Variants in ZNF644 observed in about 807,000 individuals in gnomAD.
ZNF644 encodes zinc finger protein 644, also known as zinc finger motif enhancer binding protein 2.
A neutral mutation model predicts 108.0 loss-of-function variants in ZNF644; 20 were observed. The ratio of observed to expected loss-of-function variants is 0.19; its 90% CI spans 0.13 to 0.27. The LOEUF is 0.27. Ranked by LOEUF, ZNF644 falls within the 10% of genes least tolerant of loss-of-function variation. ZNF644 has a pLI of 1.00. For synonymous variants in ZNF644, 542 were observed against 539.1 expected (o/e 1.01, Z -0.08); for missense variants, 1,338 against 1,548.9 (o/e 0.86, Z 2.29).
At chr1:90,947,051 C>T (rs1166105420) in intron 2 of ZNF644, among the ~76,000 whole-genome samples, 1 of 152,028 alleles carries the variant, frequency 6.6e-6, no homozygotes, top group Non-Finnish European at 1.5e-5. Flanking sequence ...CAGGGAGGCC[C>T]TACAAAGACA....
chr1:90,983,024 T>C (rs1014114014), intron 1 of ZNF644, among the ~76,000 whole-genome samples: 12 of 152,000 alleles, frequency 7.9e-5, no homozygotes, highest in African/African-American at 2.9e-4. Context: ...ATATCCACCA[T>C]TACTAATTTT....
rs201108934 is a variant in ZNF644, at chr1:90,944,408, C to CA, written c.45-3100dup. 6.2e-4 allele frequency among the ~76,000 whole-genome samples: 93 copies of CA among 150,346 alleles called. 1 individual carries two copies. The highest frequency in any genetic ancestry group is 1.8e-3 in the African/African-American group (72 of 41,070). On this transcript the variant is annotated intron_variant, in intron 2 of 5. Coordinates refer to ENST00000337393, the MANE Select transcript of ZNF644 (RefSeq NM_201269.3). The stretch of plus-strand genomic sequence containing the variant: ...TATTTTATCTACAAAACACATCTAG[C>CA]AAAAAAAAATCCGATTAAATATTGT...
chr1:90,971,013 A>AG, intron 2 of ZNF644, among the ~76,000 whole-genome samples: 1 of 151,584 alleles, frequency 6.6e-6, no homozygotes, highest in Non-Finnish European at 1.5e-5. Flanking sequence ...AAAAAAAAAA[A>AG]AAAAACACTA....
chr1:90,945,345 CAG>C (rs1652412716), intron 2 of ZNF644, among the ~76,000 whole-genome samples: 2 of 151,924 alleles, frequency 1.3e-5, no homozygotes, highest in South Asian at 4.1e-4. Flanking sequence ...AAGCTGCAAA[CAG>C]AACTTTAAAT....
intron 4 of ZNF644, among the ~76,000 whole-genome samples, chr1:90,932,621 T>C (rs1352509191): frequency 1.3e-5 from 2 of 152,044 alleles, no homozygotes; most frequent in African/African-American, 2.4e-5. Context: ...GTGATATTGA[T>C]ATGGGGGATA....
At chr1:90,975,806 T>C (rs1655954013) in intron 2 of ZNF644, among the ~76,000 whole-genome samples, 1 of 152,134 alleles carries the variant, frequency 6.6e-6, no homozygotes, top group South Asian at 2.1e-4. Context: ...AAGACTTAGG[T>C]TCCAATTCTG....
intron 4 of ZNF644, among the ~76,000 whole-genome samples, chr1:90,925,556 A>G (rs888733501): frequency 6.6e-6 from 1 of 151,864 alleles, no homozygotes; most frequent in African/African-American, 2.4e-5. Flanking sequence ...CACAAACATT[A>G]TAACTGAAGA....
At chr1:90,921,474 A>G (rs1485798709) in intron 4 of ZNF644, among the ~76,000 whole-genome samples, 1 of 152,020 alleles carries the variant, frequency 6.6e-6, no homozygotes, top group Non-Finnish European at 1.5e-5. Flanking sequence ...TTTAAATCTA[A>G]CATTGTTTCT....
intron 2 of ZNF644, among the ~76,000 whole-genome samples, chr1:90,956,123 C>T (rs114970104): frequency 2.3e-4 from 35 of 152,274 alleles, no homozygotes; most frequent in Non-Finnish European, 3.7e-4. Flanking sequence ...TCACAACACA[C>T]ACAATATTGA....
chr1:91,018,076 T>C (rs1317277413), intron 1 of ZNF644, among the ~76,000 whole-genome samples: 1 of 152,232 alleles, frequency 6.6e-6, no homozygotes, highest in Admixed American at 6.5e-5. Context: ...AACACCTTTT[T>C]CATGGGAACT....
At chr1:90,980,421 G>A (rs193161689) in intron 2 of ZNF644, among the ~76,000 whole-genome samples, 39 of 152,244 alleles carry the variant, frequency 2.6e-4, no homozygotes, top group Middle Eastern at 3.4e-3. Context: ...GCATAGCTAC[G>A]GTGAGATAAC....
chr1:90,962,934 A>G (rs913304681), intron 2 of ZNF644, among the ~76,000 whole-genome samples: 3 of 152,158 alleles, frequency 2.0e-5, no homozygotes, highest in African/African-American at 7.2e-5. Context: ...TAACAATAAG[A>G]GCAAACAATG....
chr1:90,923,336 C>A lies in ZNF644; in HGVS notation c.3689-5182G>T, dbSNP rs141049590. Among the ~76,000 whole-genome samples, 147 of 151,976 alleles carry A rather than the reference C, an allele frequency of 9.7e-4. 1 individual carries two copies. The highest frequency in any genetic ancestry group is 3.1e-3 in the African/African-American group (128 of 41,446). On this transcript the variant is annotated intron_variant, in intron 4 of 5. Transcript: ENST00000337393. ...CATTCAGTTCCACCCCTCAATCTCT[C>A]GGCCCATTCAAAAAAGGAAAAAAAA...
chr1:91,003,266 G>T (rs953409123), intron 1 of ZNF644, among the ~76,000 whole-genome samples: 1 of 152,096 alleles, frequency 6.6e-6, no homozygotes, highest in African/African-American at 2.4e-5. Context: ...CAATAGCAAA[G>T]ACTTGGAACC....
chr1:90,942,010 A>C (rs1652045013), intron 2 of ZNF644, among the ~76,000 whole-genome samples: 1 of 152,144 alleles, frequency 6.6e-6, no homozygotes, highest in South Asian at 2.1e-4. Context: ...ATTAACCTTA[A>C]CTATAATTTT....
rs531780857 is a variant in ZNF644, at chr1:90,919,742, A to G, written c.3689-1588T>C. Among the ~76,000 whole-genome samples, 4 of 152,206 alleles carry G rather than the reference A, an allele frequency of 2.6e-5. No homozygotes were observed. The South Asian group carries it at 8.3e-4, about 32-fold the overall frequency. On this transcript the variant is annotated intron_variant, in intron 4 of 5. Transcript: ENST00000337393. The stretch of plus-strand genomic sequence containing the variant: ...TAGTTATCTCAGTCAAGAGCCTCGC[A>G]TGTAGTAGGAACTCAACAAATACTT...
chr1:91,020,830 T>C (rs143308550), intron 1 of ZNF644: 1 of 152,188 alleles, frequency 6.6e-6, no homozygotes, highest in Non-Finnish European at 1.5e-5. Flanking sequence ...CTGGACAGGA[T>C]AGTCGGCGGT....
chr1:90,932,208 A>G (rs1370260252), intron 4 of ZNF644, among the ~76,000 whole-genome samples: 1 of 152,188 alleles, frequency 6.6e-6, no homozygotes. Flanking sequence ...GTTCCCACAG[A>G]AAAGACCAGG....
rs192060194 is a variant in ZNF644 at position 90,978,229 on chromosome 1, A to G, written c.44+4081T>C. 2.6e-3 allele frequency among the ~76,000 whole-genome samples: 396 copies of G among 152,036 alleles called. 2 individuals carry two copies. The highest frequency in any genetic ancestry group is 8.9e-3 in the African/African-American group (370 of 41,512). On this transcript the variant is annotated intron_variant, in intron 2 of 5. Coordinates refer to ENST00000337393, the MANE Select transcript of ZNF644 (RefSeq NM_201269.3). Reference sequence around the variant, plus strand: ...TAGCCAGGTGTGGTGGCATGCACCTATAGTCCCAGCTACTCAGGAGGCTGA... The same window carrying G: ...TAGCCAGGTGTGGTGGCATGCACCTGTAGTCCCAGCTACTCAGGAGGCTGA...
Sources: allele counts gnomAD v4.1 joint callset (sites outside exome capture counted in the v4.1 genomes callset), GRCh38; gene constraint gnomAD v4.1.1; transcripts MANE v1.5; gene names NCBI Gene and HGNC (gene_info 2026-07-23, HGNC 2026-07-21).